Variants in CREM observed in about 807,000 individuals in gnomAD.
The protein encoded by CREM is cAMP responsive element modulator.
Under a neutral mutation model 37.3 loss-of-function variants are expected in CREM, and 13 were observed. That is an observed-to-expected ratio of 0.35 (90% CI 0.23 to 0.55). The LOEUF (loss-of-function observed/expected upper bound fraction) is 0.55, where lower values mean the gene tolerates loss of function less well. Ranked by LOEUF, CREM falls within the 20% of genes least tolerant of loss-of-function variation. CREM has a pLI of 0.88. For missense variants in CREM, 296 were observed against 362.3 expected, an observed-to-expected ratio of 0.82 and a Z score of 1.49; for synonymous variants, 124 against 120.2, an observed-to-expected ratio of 1.03 and a Z score of -0.21.
At chr10:35,181,516 G>C (rs555609654) in intron 5 of CREM, among the ~76,000 whole-genome samples, 36 of 152,184 alleles carry the variant, frequency 2.4e-4, no homozygotes, top group African/African-American at 8.2e-4. Context: ...GTGTGTCTGT[G>C]GGGGGGATGA....
intron 3 of CREM, among the ~76,000 whole-genome samples, chr10:35,159,073 A>T (rs1238968656): frequency 6.6e-6 from 1 of 152,110 alleles, no homozygotes; most frequent in Non-Finnish European, 1.5e-5. Context: ...AGTAGTAAAT[A>T]GTTATTTGTA....
chr10:35,132,419 G>A (rs1294501259), intron 1 of CREM, among the ~76,000 whole-genome samples: 1 of 152,124 alleles, frequency 6.6e-6, no homozygotes, highest in Non-Finnish European at 1.5e-5. Context: ...TGAATAGCTA[G>A]TCCTTTAGTG....
chr10:35,165,952 C>T (rs967473754), intron 3 of CREM, among the ~76,000 whole-genome samples: 3 of 152,084 alleles, frequency 2.0e-5, no homozygotes, highest in Admixed American at 2.0e-4. Context: ...TGAATTATAA[C>T]ACTTGCTTTG....
chr10:35,191,495 A>G (rs1175936023), intron 6 of CREM, among the ~76,000 whole-genome samples: 1 of 151,902 alleles, frequency 6.6e-6, no homozygotes, highest in East Asian at 1.9e-4. Flanking sequence ...CAGCAAGGCC[A>G]GTGGGCATTC....
intron 3 of CREM, among the ~76,000 whole-genome samples, chr10:35,170,005 C>T (rs988296326): frequency 1.1e-4 from 17 of 148,588 alleles, no homozygotes; most frequent in African/African-American, 3.4e-4. Context: ...CTCTTTTGCC[C>T]AAGCTGGAGT....
chr10:35,151,343 G>A (rs976249506), intron 3 of CREM, among the ~76,000 whole-genome samples: 2 of 151,956 alleles, frequency 1.3e-5, no homozygotes, highest in Non-Finnish European at 2.9e-5. Flanking sequence ...GTATTTTTTT[G>A]TTGTTGTTTT....
At chr10:35,147,781 C>T (rs927212659) in intron 2 of CREM, among the ~76,000 whole-genome samples, 5 of 152,136 alleles carry the variant, frequency 3.3e-5, no homozygotes, top group African/African-American at 7.2e-5. Context: ...AGACTTTATA[C>T]GTTTTAAAAT....
intron 1 of CREM, among the ~76,000 whole-genome samples, chr10:35,128,620 G>A (rs1465637527): frequency 1.3e-5 from 2 of 151,302 alleles, no homozygotes; most frequent in East Asian, 1.9e-4. Flanking sequence ...CCGCCTCCTG[G>A]GTTCACGCCA....
chr10:35,144,960 G>C (rs2091896470), intron 2 of CREM, among the ~76,000 whole-genome samples: 1 of 151,744 alleles, frequency 6.6e-6, no homozygotes, highest in Non-Finnish European at 1.5e-5. Flanking sequence ...AGGAGTTGGA[G>C]ACCAGCCTGG....
At chr10:35,128,776 C>T (rs974106719) in intron 1 of CREM, among the ~76,000 whole-genome samples, 34 of 152,234 alleles carry the variant, frequency 2.2e-4, no homozygotes, top group African/African-American at 7.9e-4. Context: ...CCGCCCGCGT[C>T]GGCCTCCCAA....
intron 2 of CREM, among the ~76,000 whole-genome samples, chr10:35,143,904 TG>T (rs1243876749): frequency 6.6e-6 from 1 of 152,146 alleles, no homozygotes; most frequent in African/African-American, 2.4e-5. Context: ...GATAGCATAT[TG>T]CTGGAATTTG....
At chr10:35,165,074 A>AAAAAG (rs1176393272) in intron 3 of CREM, among the ~76,000 whole-genome samples, 18 of 142,004 alleles carry the variant, frequency 1.3e-4, no homozygotes, top group Non-Finnish European at 1.5e-4. Flanking sequence ...AAAAAAAAAA[A>AAAAAG]AAAAGAAAAG....
At chr10:35,205,551 G>T (rs1474708351) in intron 6 of CREM, among the ~76,000 whole-genome samples, 1 of 152,162 alleles carries the variant, frequency 6.6e-6, no homozygotes, top group Non-Finnish European at 1.5e-5. Flanking sequence ...GCATGATATG[G>T]AGTATAGGAA....
chr10:35,175,947 T>G, intron 3 of CREM: 2 of 1,551,436 alleles, frequency 1.3e-6, no homozygotes, highest in Non-Finnish European at 1.7e-6. Context: ...CAGGGAGTAA[T>G]TCAGACACCA....
At position 35,188,264 on chromosome 10, in the gene CREM, G is replaced by A. The variant is rs749310864; in HGVS notation, c.474G>A (p.Leu158=). The A allele has an allele frequency of 1.0e-4, 169 of 1,614,164 alleles. 3 individuals carry two copies. In the East Asian group the frequency reaches 3.7e-3, roughly 35 times the overall value. Residue 158 remains leucine, a synonymous_variant, in exon 6 of 8, where the codon CTG becomes CTA. Transcript: ENST00000685392. ...SNPGSDGVQG[L]QALTMTNSGA... ...CAGGATCTGATGGTGTTCAGGGACT[G>A]CAGGCATTAACAATGACAAATTCAG...
In CREM at chr10:35,211,380, T is replaced by C. The variant is rs1436827975; in HGVS notation, c.882T>C (p.Tyr294=). 1 of 1,613,890 alleles carries C rather than the reference T, an allele frequency of 6.2e-7. No homozygotes were observed. Among genetic ancestry groups the C allele is most frequent in the African/African-American group, 1.3e-5 (1 of 74,938 alleles). Residue 294 remains tyrosine, a synonymous_variant, in exon 8 of 8, where the codon TAT becomes TAC. Transcript: ENST00000685392. ...IEELKALKDL[Y]CHKVE ...AACTCAAGGCCCTCAAAGATCTTTA[T>C]TGCCATAAAGTAGAGTAACTGTCTT... is the stretch of plus-strand genomic sequence containing the variant.
chr10:35,169,821 A>G (rs995313394), intron 3 of CREM, among the ~76,000 whole-genome samples: 6 of 152,114 alleles, frequency 3.9e-5, no homozygotes, highest in Non-Finnish European at 7.4e-5. Flanking sequence ...GAATTTTGTC[A>G]AAGGCCTTTT....
intron 5 of CREM, among the ~76,000 whole-genome samples, chr10:35,186,864 A>G (rs1408473333): frequency 9.2e-6 from 1 of 109,112 alleles, no homozygotes; most frequent in Non-Finnish European, 1.7e-5. Flanking sequence ...GTTATATATA[A>G]TTATATATTA....
intron 3 of CREM, among the ~76,000 whole-genome samples, chr10:35,163,045 CA>C (rs202089146): frequency 2.3e-4 from 33 of 144,280 alleles, no homozygotes; most frequent in East Asian, 4.1e-4. Context: ...TCCATCTCTA[CA>C]AAAAAAAAAA....
Sources: allele counts gnomAD v4.1 joint callset (sites outside exome capture counted in the v4.1 genomes callset), GRCh38; gene constraint gnomAD v4.1.1; transcripts MANE v1.5; gene names NCBI Gene and HGNC (gene_info 2026-07-23, HGNC 2026-07-21).